UBAP2: variants seen among roughly 807,000 people sequenced by gnomAD.
UBAP2 encodes ubiquitin associated protein 2, also known as ubiquitin-associated protein 2.
UBAP2 carries 75 observed loss-of-function variants against 139.6 expected under a neutral mutation model. The ratio of observed to expected loss-of-function variants is 0.54; its 90% CI spans 0.45 to 0.65. UBAP2 has a LOEUF of 0.65. Among genes scored for constraint, UBAP2 ranks in the 30% least tolerant of loss-of-function variants. The pLI is 0.00. For synonymous variants in UBAP2, 526 were observed against 526.2 expected (o/e 1.00, Z 0.01); for missense variants, 1,368 against 1,369.6 (o/e 1.00, Z 0.02).
At chr9:33,926,575 G>T in intron 22 of UBAP2, 42 bp downstream of exon 22, 2 of 1,612,144 alleles carry the variant, frequency 1.2e-6, no homozygotes, top group South Asian at 1.1e-5. Context: ...ACATGTAAAA[G>T]ATTCTGAACC....
At chr9:33,991,878 G>C (rs959718842) in intron 4 of UBAP2, among the ~76,000 whole-genome samples, 1 of 152,098 alleles carries the variant, frequency 6.6e-6, no homozygotes, top group South Asian at 2.1e-4. Flanking sequence ...ACACAGCCTC[G>C]CCGAAAGGTA....
At chr9:34,031,209 G>A (rs1428344463) in intron 1 of UBAP2, among the ~76,000 whole-genome samples, 3 of 151,450 alleles carry the variant, frequency 2.0e-5, no homozygotes, top group East Asian at 2.0e-4. Context: ...CCCAGGAAGC[G>A]GAGGTTGCAG....
At chr9:33,962,032 A>ATT (rs1174590192) in intron 9 of UBAP2, among the ~76,000 whole-genome samples, 1 of 152,200 alleles carries the variant, frequency 6.6e-6, no homozygotes, top group Non-Finnish European at 1.5e-5. Flanking sequence ...CTGTCTGAGA[A>ATT]ACCACTAATA....
In UBAP2 at chr9:33,943,592, G is replaced by A; in HGVS notation, c.1546-3C>T. On this transcript the variant is annotated splice_polypyrimidine_tract_variant and splice_region_variant and intron_variant, in intron 14 of 28. Coordinates refer to ENST00000379238, the MANE Select transcript of UBAP2 (RefSeq NM_001370062.2). ...ATTTCCACTGCAGAAGCTGGGATCT[G>A]AAAAAGCAAAGCTGTCGTGTCAGGA... 1 of 1,613,654 alleles carries A rather than the reference G, an allele frequency of 6.2e-7. No individual in the cohort carries two copies. The highest frequency in any genetic ancestry group is 1.3e-5 in the African/African-American group (1 of 74,954).
intron 4 of UBAP2, chr9:33,995,486 T>C (rs868452050): frequency 0.012 from 1,600 of 135,430 alleles, 32 homozygotes; most frequent in African/African-American, 0.042. Context: ...AATATATTTA[T>C]ATTATTAAAT....
intron 1 of UBAP2, among the ~76,000 whole-genome samples, chr9:34,047,658 A>G (rs1396954079): frequency 2.0e-5 from 3 of 152,168 alleles, no homozygotes; most frequent in African/African-American, 7.2e-5. Context: ...ATAAAAGATA[A>G]TCTTTGGATA....
At chr9:34,018,861 T>C (rs912793236) in intron 1 of UBAP2, among the ~76,000 whole-genome samples, 2 of 41,434 alleles carry the variant, frequency 4.8e-5, no homozygotes, top group Admixed American at 3.4e-4. Flanking sequence ...AGACTCCGTC[T>C]CAAAATAAAT....
rs548723846 is a variant in UBAP2 at position 34,036,073 on chromosome 9, T to G, written c.-42+12752A>C. Reference sequence around the variant, plus strand: ...TAAACTCTGAATACAACATTTAAAGTGTTTTAACAATTTAATTGTAACTTC... The same window carrying G: ...TAAACTCTGAATACAACATTTAAAGGGTTTTAACAATTTAATTGTAACTTC... On this transcript the variant is annotated intron_variant, in intron 1 of 28. Coordinates refer to ENST00000379238, the MANE Select transcript of UBAP2 (RefSeq NM_001370062.2). 1.2e-4 allele frequency among the ~76,000 whole-genome samples: 18 copies of G among 152,174 alleles called. No individual in the cohort carries two copies. The South Asian group carries it at 3.7e-3, about 32-fold the overall frequency.
chr9:34,035,260 T>C (rs1053404724), intron 1 of UBAP2, among the ~76,000 whole-genome samples: 3 of 151,780 alleles, frequency 2.0e-5, no homozygotes, highest in Non-Finnish European at 2.9e-5. Context: ...CCCAGCACTT[T>C]GGGAGGCCGA....
intron 6 of UBAP2, among the ~76,000 whole-genome samples, chr9:33,981,857 GA>G (rs1388576297): frequency 4.9e-5 from 7 of 141,570 alleles, no homozygotes; most frequent in African/African-American, 1.9e-4. Context: ...GGGAGGGAGG[GA>G]AGGAAGGAAG....
intron 6 of UBAP2, among the ~76,000 whole-genome samples, chr9:33,977,791 C>T (rs1299009165): frequency 6.6e-6 from 1 of 151,300 alleles, no homozygotes; most frequent in Non-Finnish European, 1.5e-5. Context: ...GTCTCCCGAG[C>T]GGCTGGGATT....
intron 2 of UBAP2, among the ~76,000 whole-genome samples, chr9:34,014,561 G>A (rs1409193312): frequency 4.0e-5 from 6 of 151,632 alleles, no homozygotes; most frequent in African/African-American, 7.3e-5. Flanking sequence ...CCCAGGAGGC[G>A]GAGGTTGCTG....
chr9:33,986,865 A>C (rs750210337), intron 5 of UBAP2, 28 bp from the exon 6 acceptor site: 1 of 1,595,764 alleles, frequency 6.3e-7, no homozygotes, highest in East Asian at 2.2e-5. Context: ...GAAAAATCAA[A>C]TTTCCATTTC....
chr9:33,933,172 C>G (rs1213134448), intron 18 of UBAP2, among the ~76,000 whole-genome samples: 2 of 152,158 alleles, frequency 1.3e-5, no homozygotes, highest in Non-Finnish European at 2.9e-5. Context: ...GTGACATGGG[C>G]CCAGCGATGC....
chr9:34,039,097 T>C (rs1265393521), intron 1 of UBAP2, among the ~76,000 whole-genome samples: 2 of 151,602 alleles, frequency 1.3e-5, no homozygotes, highest in Non-Finnish European at 2.9e-5. Context: ...CCACCCCGTC[T>C]GGGAAGTGAG....
chr9:34,017,587 G>A (rs1824482780), intron 1 of UBAP2, among the ~76,000 whole-genome samples: 1 of 152,130 alleles, frequency 6.6e-6, no homozygotes, highest in African/African-American at 2.4e-5. Flanking sequence ...CAAGAAACAG[G>A]CTATGCCTAA....
chr9:33,976,276 G>A (rs1304321639), intron 6 of UBAP2, among the ~76,000 whole-genome samples: 1 of 151,974 alleles, frequency 6.6e-6, no homozygotes, highest in South Asian at 2.1e-4. Context: ...AAAAAATGCA[G>A]TATATTCATA....
At chr9:33,979,813 A>G (rs1378841974) in intron 6 of UBAP2, among the ~76,000 whole-genome samples, 2 of 152,258 alleles carry the variant, frequency 1.3e-5, no homozygotes, top group African/African-American at 4.8e-5. Flanking sequence ...GGTTGCAGTG[A>G]GCCGAGATTG....
At chr9:33,957,249 T>C (rs972114158) in intron 10 of UBAP2, among the ~76,000 whole-genome samples, 1 of 152,226 alleles carries the variant, frequency 6.6e-6, no homozygotes, top group Admixed American at 6.5e-5. Flanking sequence ...AAATTAATTT[T>C]ATCACATTCT....
Sources: allele counts gnomAD v4.1 joint callset (sites outside exome capture counted in the v4.1 genomes callset), GRCh38; gene constraint gnomAD v4.1.1; transcripts MANE v1.5; gene names NCBI Gene and HGNC (gene_info 2026-07-23, HGNC 2026-07-21).